KCNAB1: variants seen among roughly 807,000 people sequenced by gnomAD.
KCNAB1 encodes potassium voltage-gated channel subfamily A regulatory beta subunit 1.
In KCNAB1, 35 loss-of-function variants were observed where a neutral mutation model predicts 64.6. That is an observed-to-expected ratio of 0.54 (90% CI 0.41 to 0.72). The LOEUF (loss-of-function observed/expected upper bound fraction) is 0.72, where lower values mean the gene tolerates loss of function less well. Ranked by LOEUF, KCNAB1 falls within the 30% of genes least tolerant of loss-of-function variation. The pLI, the probability that KCNAB1 is intolerant of heterozygous loss-of-function variation, is 0.00. For synonymous variants in KCNAB1, 177 were observed against 183.8 expected, an observed-to-expected ratio of 0.96 and a Z score of 0.30; for missense variants, 401 against 512.9, an observed-to-expected ratio of 0.78 and a Z score of 2.11.
intron 1 of KCNAB1, among the ~76,000 whole-genome samples, chr3:156,131,251 G>A (rs1170028697): frequency 1.3e-5 from 2 of 152,172 alleles, no homozygotes; most frequent in African/African-American, 4.8e-5. Context: ...CTTTGGAGAT[G>A]GCAGTTGAAA....
At chr3:156,222,697 C>A (rs1462077976) in intron 1 of KCNAB1, among the ~76,000 whole-genome samples, 1 of 152,172 alleles carries the variant, frequency 6.6e-6, no homozygotes, top group Non-Finnish European at 1.5e-5. Context: ...CAAGTCTCAG[C>A]AAATTTAAGA....
At chr3:156,422,086 T>C (rs1319937705) in intron 2 of KCNAB1, among the ~76,000 whole-genome samples, 1 of 152,230 alleles carries the variant, frequency 6.6e-6, no homozygotes, top group Non-Finnish European at 1.5e-5. Context: ...TTATATACTT[T>C]TATAATCTGC....
chr3:156,208,466 G>A (rs1163196389), intron 1 of KCNAB1, among the ~76,000 whole-genome samples: 2 of 152,120 alleles, frequency 1.3e-5, no homozygotes, highest in Non-Finnish European at 2.9e-5. Context: ...GGATGAGAGT[G>A]GGGAGCAGGA....
At chr3:156,170,354 C>T (rs1048206158) in intron 1 of KCNAB1, among the ~76,000 whole-genome samples, 2 of 151,958 alleles carry the variant, frequency 1.3e-5, no homozygotes, top group African/African-American at 4.8e-5. Flanking sequence ...TGGTTGATAC[C>T]TACAATTTCT....
chr3:156,252,326 T>C (rs145223901), intron 1 of KCNAB1, among the ~76,000 whole-genome samples: 1 of 152,338 alleles, frequency 6.6e-6, no homozygotes, highest in East Asian at 1.9e-4. Flanking sequence ...CTTATTGCTA[T>C]TTTTCCCCCT....
chr3:156,471,137 C>G (rs535034812), intron 7 of KCNAB1, among the ~76,000 whole-genome samples: 28 of 152,262 alleles, frequency 1.8e-4, no homozygotes, highest in East Asian at 3.9e-4. Flanking sequence ...TAAATAGAAC[C>G]CTTGCAGAAT....
At chr3:156,447,567 C>A (rs1362118984) in intron 2 of KCNAB1, among the ~76,000 whole-genome samples, 3 of 152,182 alleles carry the variant, frequency 2.0e-5, no homozygotes, top group South Asian at 4.1e-4. Flanking sequence ...CATAGGGAGA[C>A]CAACCTGCAC....
chr3:156,219,497 C>T lies in KCNAB1; in HGVS notation c.275+98611C>T, dbSNP rs546293923. On this transcript the variant is annotated intron_variant, in intron 1 of 13. Coordinates refer to ENST00000490337, the MANE Select transcript of KCNAB1 (RefSeq NM_172160.3). ...CAAACCTAAGAATAATTGGTGTTCC[C>T]GAGGAAGAAGAGGAATCTAAAAGTT... Among the ~76,000 whole-genome samples, 16 of 151,020 alleles carry T rather than the reference C, an allele frequency of 1.1e-4. No individual in the cohort carries two copies. In the South Asian group the frequency reaches 1.7e-3, roughly 16 times the overall value.
chr3:156,469,220 T>A (rs1713673050), intron 7 of KCNAB1, among the ~76,000 whole-genome samples: 1 of 151,138 alleles, frequency 6.6e-6, no homozygotes, highest in Admixed American at 6.6e-5. Flanking sequence ...GTACATAATT[T>A]CAGGGTTCTC....
At chr3:156,143,153 G>C in intron 1 of KCNAB1, 1 of 1,562,270 alleles carries the variant, frequency 6.4e-7, no homozygotes, top group Non-Finnish European at 8.7e-7. Context: ...CGTGCAATTA[G>C]CTTTGCTTCC....
chr3:156,208,366 C>T (rs1427974279), intron 1 of KCNAB1, among the ~76,000 whole-genome samples: 7 of 152,178 alleles, frequency 4.6e-5, no homozygotes, highest in African/African-American at 1.7e-4. Context: ...GCGAACAGGG[C>T]TGTGCCTCTA....
intron 1 of KCNAB1, among the ~76,000 whole-genome samples, chr3:156,199,992 G>A (rs76233968): frequency 6.6e-6 from 1 of 152,258 alleles, no homozygotes; most frequent in African/African-American, 2.4e-5. Context: ...GATGGCCTTT[G>A]GATGGGGTTT....
At chr3:156,503,588 A>G (rs1716611162) in intron 8 of KCNAB1, among the ~76,000 whole-genome samples, 1 of 152,208 alleles carries the variant, frequency 6.6e-6, no homozygotes, top group Non-Finnish European at 1.5e-5. Context: ...CAAGCTCTCA[A>G]TTCAGGGAAC....
At chr3:156,518,127 A>ATTTTTTCTTTT (rs1440251163) in intron 11 of KCNAB1, among the ~76,000 whole-genome samples, 1 of 152,228 alleles carries the variant, frequency 6.6e-6, no homozygotes, top group African/African-American at 2.4e-5. Context: ...AGAAAGAGTA[A>ATTTTTTCTTTT]TGAATGTTTG....
chr3:156,225,598 G>A (rs1269842326), intron 1 of KCNAB1, among the ~76,000 whole-genome samples: 1 of 152,096 alleles, frequency 6.6e-6, no homozygotes, highest in Admixed American at 6.6e-5. Flanking sequence ...AAGAAATAAA[G>A]GGCATCCAAA....
At chr3:156,250,723 T>C (rs992882570) in intron 1 of KCNAB1, among the ~76,000 whole-genome samples, 4 of 152,026 alleles carry the variant, frequency 2.6e-5, no homozygotes, top group Non-Finnish European at 5.9e-5. Flanking sequence ...CCTCAGGAGA[T>C]GATGTGGAAA....
intron 1 of KCNAB1, among the ~76,000 whole-genome samples, chr3:156,164,376 T>C (rs1280192032): frequency 2.6e-5 from 4 of 152,206 alleles, no homozygotes; most frequent in Non-Finnish European, 5.9e-5. Context: ...TTGAGAAGAA[T>C]TGATCATTTT....
chr3:156,328,579 A>G (rs911371789), intron 1 of KCNAB1, among the ~76,000 whole-genome samples: 7 of 152,292 alleles, frequency 4.6e-5, no homozygotes, highest in Middle Eastern at 3.4e-3. Context: ...ACTACTAATT[A>G]TAAGACATAA....
Position 156,218,822 on chromosome 3 carries a change from A to AAAAAT in KCNAB1, c.275+97939_275+97940insATAAA, listed in dbSNP as rs1553822976. On this transcript the variant is annotated intron_variant, in intron 1 of 13. Transcript: ENST00000490337. Reference sequence around the variant, plus strand: ...AAAAAAATAATAATAAAATAAAATAAAAATAAATAAATAAATAAATATAAA... The same window carrying AAAAAT: ...AAAAAAATAATAATAAAATAAAATAAAAAATAAATAAATAAATAAATAAATATAAA... Among the ~76,000 whole-genome samples the AAAAAT allele has an allele frequency of 6.0e-3, 871 of 144,208 alleles. 12 individuals are homozygous for AAAAAT. The highest frequency in any genetic ancestry group is 0.019 in the South Asian group (87 of 4,590). 94.6% of individuals were successfully genotyped at this position (144,208 alleles called of 152,430 possible).
Sources: gnomAD v4.1 joint callset for allele counts (sites outside exome capture counted in the v4.1 genomes callset) on GRCh38, gnomAD v4.1.1 for gene constraint, MANE v1.5 for transcripts, NCBI Gene and HGNC (gene_info 2026-07-23, HGNC 2026-07-21) for gene names.